Variants in DLG2 observed in about 807,000 individuals in gnomAD.
DLG2 encodes the protein disks large homolog 2.
DLG2 carries 45 observed loss-of-function variants against 132.5 expected under a neutral mutation model. That is an observed-to-expected ratio of 0.34 (90% CI 0.27 to 0.44). The LOEUF (loss-of-function observed/expected upper bound fraction) is 0.44, where lower values mean the gene tolerates loss of function less well. Among genes scored for constraint, DLG2 ranks in the 20% least tolerant of loss-of-function variants. The pLI, the probability that DLG2 is intolerant of heterozygous loss-of-function variation, is 1.00. For synonymous variants in DLG2, 424 were observed against 419.6 expected, an observed-to-expected ratio of 1.01 and a Z score of -0.13; for missense variants, 1,045 against 1,196.9, an observed-to-expected ratio of 0.87 and a Z score of 1.87.
At chr11:84,255,680 G>T (rs1187821564) in intron 7 of DLG2, among the ~76,000 whole-genome samples, 1 of 151,938 alleles carries the variant, frequency 6.6e-6, no homozygotes, top group Non-Finnish European at 1.5e-5. Flanking sequence ...AAATCAAACT[G>T]GTGACTCAGC....
rs146416211 is a variant in DLG2, at chr11:84,448,913, A to G, written c.519+85657T>C. Among the ~76,000 whole-genome samples the G allele has an allele frequency of 1.4e-3, 220 of 152,138 alleles. 1 individual carries two copies. Among genetic ancestry groups the G allele is most frequent in the African/African-American group, 5.1e-3 (213 of 41,572 alleles). On this transcript the variant is annotated intron_variant, in intron 7 of 27. Coordinates refer to ENST00000376104, the MANE Select transcript of DLG2 (RefSeq NM_001142699.3). ...ATAGTTGTTTGCTTAATGAATGAACAAATGAATGAAGCATATCACTTGAAT... is the reference window on the plus strand; with the variant it reads ...ATAGTTGTTTGCTTAATGAATGAACGAATGAATGAAGCATATCACTTGAAT...
intron 16 of DLG2, among the ~76,000 whole-genome samples, chr11:83,865,663 G>C (rs1204464521): frequency 6.6e-6 from 1 of 151,998 alleles, no homozygotes; most frequent in Non-Finnish European, 1.5e-5. Context: ...CTGGCACACA[G>C]GTAGATAAAT....
At chr11:84,480,990 C>T (rs538043280) in intron 7 of DLG2, among the ~76,000 whole-genome samples, 1 of 152,002 alleles carries the variant, frequency 6.6e-6, no homozygotes, top group African/African-American at 2.4e-5. Context: ...CTGCCCACCT[C>T]GGCCTCCCAA....
At chr11:84,928,190 A>G (rs2047632082) in intron 6 of DLG2, among the ~76,000 whole-genome samples, 1 of 151,994 alleles carries the variant, frequency 6.6e-6, no homozygotes, top group Non-Finnish European at 1.5e-5. Flanking sequence ...CACTTGAGAA[A>G]GGAACTATAT....
rs188746519 is a variant in DLG2 at position 84,090,312 on chromosome 11, G to A, written c.749+8611C>T. Among the ~76,000 whole-genome samples, 1,269 of 151,466 alleles carry A rather than the reference G, an allele frequency of 8.4e-3. 8 individuals carry two copies. Among genetic ancestry groups the A allele is most frequent in the Middle Eastern group, 0.02 (6 of 294 alleles). On this transcript the variant is annotated intron_variant, in intron 10 of 27. Coordinates refer to ENST00000376104, the MANE Select transcript of DLG2 (RefSeq NM_001142699.3). ...GCCTGTAATCCCAGCTACTCACGAG[G>A]CTGAGGCAGGAGAATCGCTTGAACC...
chr11:83,724,975 C>T (rs1223894091), intron 18 of DLG2: 2 of 700,028 alleles, frequency 2.9e-6, no homozygotes, highest in Non-Finnish European at 2.6e-6. Flanking sequence ...CTGGCCAGCA[C>T]ACACCTCCTG....
intron 20 of DLG2, among the ~76,000 whole-genome samples, chr11:83,539,918 G>C (rs568812208): frequency 1.3e-4 from 20 of 152,264 alleles, no homozygotes; most frequent in African/African-American, 3.8e-4. Flanking sequence ...CAAATGACTT[G>C]ATAAGATTGG....
chr11:84,595,474 T>A (rs949398855), intron 6 of DLG2, among the ~76,000 whole-genome samples: 3 of 148,414 alleles, frequency 2.0e-5, no homozygotes, highest in Non-Finnish European at 4.5e-5. Flanking sequence ...AAAAGGTAAA[T>A]TTCCTTTTTC....
At chr11:83,840,950 C>CT (rs910995951) in intron 16 of DLG2, among the ~76,000 whole-genome samples, 5 of 151,970 alleles carry the variant, frequency 3.3e-5, no homozygotes, top group Middle Eastern at 3.2e-3. Context: ...TCCCGTTTGT[C>CT]TTTTTTTTCC....
chr11:83,511,767 T>C (rs1344791032), intron 21 of DLG2, among the ~76,000 whole-genome samples: 5 of 151,616 alleles, frequency 3.3e-5, no homozygotes, highest in Admixed American at 1.3e-4. Context: ...TCTCATTATG[T>C]TGCCCAGGCT....
At chr11:85,425,037 C>A (rs573756054) in intron 3 of DLG2, among the ~76,000 whole-genome samples, 11 of 40,650 alleles carry the variant, frequency 2.7e-4, no homozygotes, top group Admixed American at 6.1e-4. Context: ...AACAAACAAA[C>A]AAAAAAACAA....
chr11:85,113,538 CAAAT>C (rs968614958), intron 5 of DLG2, among the ~76,000 whole-genome samples: 1 of 151,856 alleles, frequency 6.6e-6, no homozygotes, highest in African/African-American at 2.4e-5. Context: ...CAAGGCCAGA[CAAAT>C]AAAAAAGACT....
At chr11:85,303,514 T>C (rs555194088) in intron 3 of DLG2, among the ~76,000 whole-genome samples, 2 of 152,344 alleles carry the variant, frequency 1.3e-5, no homozygotes, top group African/African-American at 4.8e-5. Context: ...TACCCATGTA[T>C]GTTCCCCTTA....
chr11:83,881,234 T>G (rs2066176327), intron 15 of DLG2, among the ~76,000 whole-genome samples: 1 of 152,138 alleles, frequency 6.6e-6, no homozygotes, highest in South Asian at 2.1e-4. Flanking sequence ...CTTTTACAAT[T>G]TGCTGAATTT....
chr11:83,952,348 A>G (rs936904928), intron 14 of DLG2, among the ~76,000 whole-genome samples: 5 of 152,114 alleles, frequency 3.3e-5, no homozygotes, highest in African/African-American at 1.2e-4. Context: ...CCCTGCCTCA[A>G]AAAAAAGAGA....
intron 6 of DLG2, among the ~76,000 whole-genome samples, chr11:84,750,126 A>G (rs912379619): frequency 6.6e-6 from 1 of 152,150 alleles, no homozygotes; most frequent in African/African-American, 2.4e-5. Context: ...AGATTTATTT[A>G]AAGATGGTAG....
intron 7 of DLG2, among the ~76,000 whole-genome samples, chr11:84,463,518 C>T (rs770894415): frequency 6.6e-5 from 10 of 151,178 alleles, no homozygotes; most frequent in Non-Finnish European, 1.0e-4. Context: ...CTGAGCTCAA[C>T]ACCGCTTGAG....
intron 18 of DLG2, among the ~76,000 whole-genome samples, chr11:83,656,565 G>A (rs972605463): frequency 6.6e-6 from 1 of 152,144 alleles, no homozygotes; most frequent in South Asian, 2.1e-4. Context: ...AAAACTTGTT[G>A]TTCCTCAAGT....
intron 6 of DLG2, among the ~76,000 whole-genome samples, chr11:84,681,868 G>T (rs1374483861): frequency 6.6e-6 from 1 of 151,532 alleles, no homozygotes; most frequent in Non-Finnish European, 1.5e-5. Flanking sequence ...CTGACTTTTA[G>T]GCCTGACTTT....
Sources: gnomAD v4.1 joint callset for allele counts (sites outside exome capture counted in the v4.1 genomes callset) on GRCh38, gnomAD v4.1.1 for gene constraint, MANE v1.5 for transcripts, NCBI Gene and HGNC (gene_info 2026-07-23, HGNC 2026-07-21) for gene names.